NBPF8: variants seen among roughly 807,000 people sequenced by gnomAD.
NBPF8 encodes the protein NBPF family member NBPF8.
At chr1:120,468,922 G>T (rs1661827237), downstream of NBPF8, among the ~76,000 whole-genome samples, 1 of 152,010 alleles carries the variant, frequency 6.6e-6, no homozygotes, top group African/African-American at 2.4e-5. Context: ...GGGCCACAGT[G>T]TTCCCTAGCC....
At chr1:120,423,174 G>T (rs1477311138) in intron 1 of NBPF8, among the ~76,000 whole-genome samples, 4 of 135,268 alleles carry the variant, frequency 3.0e-5, no homozygotes, top group Non-Finnish European at 6.1e-5. Flanking sequence ...TGTGCTTTTG[G>T]TTTTGTATCT....
chr1:120,451,913 C>A (rs1377408543), intron 12 of NBPF8, among the ~76,000 whole-genome samples: 10 of 151,906 alleles, frequency 6.6e-5, no homozygotes, highest in Non-Finnish European at 1.5e-5. Flanking sequence ...CATCGAGGAT[C>A]TTGCAAGAGC....
At chr1:120,456,405 C>T (rs1431768581) in intron 16 of NBPF8, among the ~76,000 whole-genome samples, 7 of 145,858 alleles carry the variant, frequency 4.8e-5, no homozygotes, top group Non-Finnish European at 8.9e-5. Flanking sequence ...GTCTAAATCT[C>T]TTTGTAGGTC....
chr1:120,426,848 T>G (rs1215936005), intron 2 of NBPF8, among the ~76,000 whole-genome samples: 1 of 151,036 alleles, frequency 6.6e-6, no homozygotes, highest in African/African-American at 2.4e-5. Flanking sequence ...TAGTTCAAAA[T>G]GAGGGAACAT....
rs1337522792 is a variant in NBPF8 at position 120,465,288 on chromosome 1, G to C, written n.3485G>C. 4 of 682,734 alleles carry C rather than the reference G, an allele frequency of 5.9e-6. No homozygotes were observed. In the African/African-American group the frequency reaches 1.0e-4, roughly 18 times the overall value. The allele number at this position is 682,734 out of a possible 1,614,324, so 42.3% of individuals were successfully genotyped here. ...AAATTGAAAAGAAGGGGAAGGGGAA[G>C]ATAAGAAGGGGAAGAAGATCAAAGA... is the stretch of plus-strand genomic sequence containing the variant. On this transcript the variant is annotated non_coding_transcript_exon_variant, in exon 24 of 25. Coordinates refer to ENST00000583271, the Ensembl canonical transcript of NBPF8.
At chr1:120,419,226 C>T (rs1278788829), upstream of NBPF8, among the ~76,000 whole-genome samples, 3 of 152,152 alleles carry the variant, frequency 2.0e-5, no homozygotes, top group Non-Finnish European at 4.4e-5. Context: ...GAAAAGTAAA[C>T]CTTTGTATGT....
intron 22 of NBPF8, 116 bp from the exon 21 acceptor site, chr1:120,464,260 T>C (rs1467167757): frequency 1.1e-5 from 7 of 652,768 alleles, no homozygotes; most frequent in African/African-American, 1.0e-4. Context: ...ACCTCATTAA[T>C]GGATCTATCC....
At chr1:120,454,298 T>C (rs1487545400) in intron 15 of NBPF8, among the ~76,000 whole-genome samples, 184 bp downstream of exon 13, 12 of 152,190 alleles carry the variant, frequency 7.9e-5, no homozygotes, top group Non-Finnish European at 1.5e-4. Flanking sequence ...GTCCCCAGTA[T>C]CAAGTTACTC....
chr1:120,425,169 G>A (rs1344469943), intron 1 of NBPF8, among the ~76,000 whole-genome samples: 20 of 152,224 alleles, frequency 1.3e-4, no homozygotes, highest in African/African-American at 2.9e-4. Context: ...CCAGACACCC[G>A]TAAAGGGTCT....
At chr1:120,428,272 C>T (rs1278789996) in intron 3 of NBPF8, among the ~76,000 whole-genome samples, 1 of 152,186 alleles carries the variant, frequency 6.6e-6, no homozygotes, top group East Asian at 1.9e-4. Flanking sequence ...GAAATACCAC[C>T]AGGAATGTCT....
chr1:120,466,047 G>A (rs1553250790), exon 25 of NBPF8: 49 of 1,611,874 alleles, frequency 3.0e-5, no homozygotes, highest in Middle Eastern at 4.4e-4. Context: ...GATGTTATTC[G>A]ACTCCATCAA....
chr1:120,415,514 G>T (rs1235535694), upstream of NBPF8, among the ~76,000 whole-genome samples: 3 of 152,174 alleles, frequency 2.0e-5, no homozygotes, highest in Non-Finnish European at 2.9e-5. Flanking sequence ...ACTCGCTGGC[G>T]GGTGTTCTGT....
intron 3 of NBPF8, among the ~76,000 whole-genome samples, chr1:120,428,664 C>T (rs1198399680): frequency 6.6e-6 from 1 of 152,132 alleles, no homozygotes; most frequent in African/African-American, 2.4e-5. Flanking sequence ...GATGCTGCCC[C>T]TGACTCTGGG....
At chr1:120,451,807 C>T (rs1219328354) in intron 12 of NBPF8, among the ~76,000 whole-genome samples, 4 of 149,370 alleles carry the variant, frequency 2.7e-5, no homozygotes, top group Non-Finnish European at 5.9e-5. Flanking sequence ...ATGGAATTGT[C>T]CATGGCCAGA....
In NBPF8 at chr1:120,457,725, A is replaced by T. The variant is rs1203519630; in HGVS notation, n.2621-1642A>T. On this transcript the variant is annotated intron_variant and non_coding_transcript_variant, in intron 16 of 24. Transcript: ENST00000583271. ...GCACATGTACCCTAAGACTTAAAGT[A>T]TTAAAAAAAAAATATATATATATAT... 4.0e-5 allele frequency among the ~76,000 whole-genome samples: 2 copies of T among 50,446 alleles called. 1 individual carries two copies. The highest frequency in any genetic ancestry group is 6.6e-5 in the Non-Finnish European group (2 of 30,150). The allele number at this position is 50,446 out of a possible 152,430, so 33.1% of individuals were successfully genotyped here.
chr1:120,465,962 T>G lies in NBPF8; in HGVS notation n.3569-16T>G, dbSNP rs1661734123. The G allele has an allele frequency of 6.2e-7, 1 of 1,611,902 alleles. No individual in the cohort carries two copies. The highest frequency in any genetic ancestry group is 8.5e-7 in the Non-Finnish European group (1 of 1,179,734). On this transcript the variant is annotated splice_polypyrimidine_tract_variant and intron_variant and non_coding_transcript_variant, in intron 24 of 24. Transcript: ENST00000583271. ...ATTTTCCCTGGCTGCTTCTTTAGTTTTGTCTCCTTTTCCAGGCTCAACAGC... is the reference window on the plus strand; with the variant it reads ...ATTTTCCCTGGCTGCTTCTTTAGTTGTGTCTCCTTTTCCAGGCTCAACAGC...
At chr1:120,421,304 G>A (rs1382313166) in intron 1 of NBPF8, among the ~76,000 whole-genome samples, 1 of 152,204 alleles carries the variant, frequency 6.6e-6, no homozygotes, top group Non-Finnish European at 1.5e-5. Context: ...TACTGGTGGT[G>A]TAAGTTCCCC....
chr1:120,454,242 G>A, intron 15 of NBPF8, 128 bp downstream of exon 13: 4 of 1,552,074 alleles, frequency 2.6e-6, no homozygotes, highest in African/African-American at 1.4e-5. Flanking sequence ...CAGATATCAG[G>A]GAGTTTTTTT....
At chr1:120,468,067 G>C (rs2101707501), downstream of NBPF8, among the ~76,000 whole-genome samples, 1 of 151,388 alleles carries the variant, frequency 6.6e-6, no homozygotes, top group African/African-American at 2.4e-5. Flanking sequence ...CTTTGAACTA[G>C]ACACACTTCT....
Sources: gnomAD v4.1 joint callset for allele counts (sites outside exome capture counted in the v4.1 genomes callset) on GRCh38, gnomAD v4.1.1 for gene constraint, MANE v1.5 for transcripts, NCBI Gene and HGNC (gene_info 2026-07-23, HGNC 2026-07-21) for gene names.